Variants in ANKS1B observed in about 807,000 individuals in gnomAD.
ANKS1B encodes ankyrin repeat and sterile alpha motif domain-containing protein 1B.
Under a neutral mutation model 148.3 loss-of-function variants are expected in ANKS1B, and 36 were observed. That is an observed-to-expected ratio of 0.24 (90% CI 0.19 to 0.32). The LOEUF (loss-of-function observed/expected upper bound fraction) is 0.32. Ranked by LOEUF, ANKS1B falls within the 10% of genes least tolerant of loss-of-function variation. ANKS1B has a pLI of 1.00. For synonymous variants in ANKS1B, 542 were observed against 560.8 expected, an observed-to-expected ratio of 0.97 and a Z score of 0.47; for missense variants, 1,157 against 1,542.6, an observed-to-expected ratio of 0.75 and a Z score of 4.19.
chr12:99,620,535 C>A (rs1015809681), intron 9 of ANKS1B, among the ~76,000 whole-genome samples: 1 of 152,036 alleles, frequency 6.6e-6, no homozygotes, highest in Non-Finnish European at 1.5e-5. Context: ...TAAAAGAAAT[C>A]AATCAGAGCA....
chr12:99,004,634 G>A (rs987919410), intron 17 of ANKS1B, among the ~76,000 whole-genome samples: 1 of 151,966 alleles, frequency 6.6e-6, no homozygotes, highest in Non-Finnish European at 1.5e-5. Context: ...CGGGGAAGGA[G>A]GCAGGGCTAA....
At chr12:98,794,419 AAAAAG>A in intron 22 of ANKS1B, 16 of 237,128 alleles carry the variant, frequency 6.7e-5, no homozygotes, top group South Asian at 2.6e-4. Flanking sequence ...AAAAAAAAAA[AAAAAG>A]ACTTCCTCTC....
At chr12:99,585,641 T>C (rs1400786744) in intron 9 of ANKS1B, among the ~76,000 whole-genome samples, 2 of 152,332 alleles carry the variant, frequency 1.3e-5, no homozygotes, top group East Asian at 3.9e-4. Context: ...AGCAAACTTC[T>C]GCCTGGACAT....
chr12:99,039,791 T>C (rs897392954), intron 17 of ANKS1B, among the ~76,000 whole-genome samples: 8 of 152,262 alleles, frequency 5.3e-5, no homozygotes, highest in South Asian at 4.1e-4. Context: ...CTGCACCCAC[T>C]AACTCGTCCT....
At chr12:99,230,821 C>A (rs561687574) in intron 14 of ANKS1B, among the ~76,000 whole-genome samples, 1 of 151,946 alleles carries the variant, frequency 6.6e-6, no homozygotes, top group Non-Finnish European at 1.5e-5. Flanking sequence ...TTAAGTGATT[C>A]CTTAGATTTA....
chr12:99,456,660 A>G (rs928695325), intron 10 of ANKS1B, among the ~76,000 whole-genome samples: 2 of 152,200 alleles, frequency 1.3e-5, no homozygotes, highest in Non-Finnish European at 2.9e-5. Flanking sequence ...AAACAAGTAG[A>G]AGAAAAAAAC....
chr12:98,894,163 C>T (rs1208903232), intron 17 of ANKS1B, among the ~76,000 whole-genome samples: 1 of 152,196 alleles, frequency 6.6e-6, no homozygotes, highest in African/African-American at 2.4e-5. Context: ...ACACTCCACA[C>T]CAACCTTGCC....
chr12:99,001,797 A>G (rs998510030), intron 17 of ANKS1B, among the ~76,000 whole-genome samples: 8 of 152,218 alleles, frequency 5.3e-5, no homozygotes, highest in African/African-American at 1.9e-4. Context: ...TCCTTTGCTC[A>G]ACATCTATTT....
At chr12:99,285,031 C>A (rs1031407202) in intron 12 of ANKS1B, among the ~76,000 whole-genome samples, 44 of 152,234 alleles carry the variant, frequency 2.9e-4, no homozygotes, top group African/African-American at 1.0e-3. Flanking sequence ...TAGATATATG[C>A]ATGAAAATAT....
chr12:99,517,556 A>C, intron 9 of ANKS1B, among the ~76,000 whole-genome samples: 1 of 127,166 alleles, frequency 7.9e-6, no homozygotes, highest in South Asian at 2.3e-4. Context: ...TGTCTCTAGT[A>C]AAAATACAAA....
At chr12:99,425,173 C>A (rs188282885) in intron 11 of ANKS1B, among the ~76,000 whole-genome samples, 1 of 151,850 alleles carries the variant, frequency 6.6e-6, no homozygotes, top group South Asian at 2.1e-4. Flanking sequence ...TAAACACACA[C>A]CCACAGTTGT....
At chr12:98,756,160 C>A (rs1592792168) in intron 25 of ANKS1B, among the ~76,000 whole-genome samples, 1 of 152,278 alleles carries the variant, frequency 6.6e-6, no homozygotes, top group East Asian at 1.9e-4. Context: ...ATCTTGAATT[C>A]TAGCTCCCAT....
intron 17 of ANKS1B, among the ~76,000 whole-genome samples, chr12:99,035,971 C>T (rs1381299604): frequency 2.6e-5 from 4 of 152,178 alleles, no homozygotes. Flanking sequence ...ATGCAGACAG[C>T]CTGTTGGCTC....
chr12:98,949,326 C>T (rs2099850609), intron 17 of ANKS1B, among the ~76,000 whole-genome samples: 1 of 152,244 alleles, frequency 6.6e-6, no homozygotes, highest in Non-Finnish European at 1.5e-5. Context: ...CTCACAACTG[C>T]AGTTTTCTCA....
intron 12 of ANKS1B, among the ~76,000 whole-genome samples, chr12:99,347,794 T>A (rs917836499): frequency 7.2e-5 from 10 of 138,844 alleles, no homozygotes; most frequent in Non-Finnish European, 1.5e-4. Context: ...CAAAAAGATA[T>A]TAGACTTCCA....
At chr12:98,807,776 T>G in intron 20 of ANKS1B, 68 bp downstream of exon 20, 1 of 1,400,768 alleles carries the variant, frequency 7.1e-7, no homozygotes, top group Non-Finnish European at 9.9e-7. Flanking sequence ...CTATAGCTGT[T>G]GACAACACTG....
At chr12:99,627,852 C>G (rs1037881509) in intron 9 of ANKS1B, among the ~76,000 whole-genome samples, 1 of 152,128 alleles carries the variant, frequency 6.6e-6, no homozygotes, top group African/African-American at 2.4e-5. Flanking sequence ...TTAAATAAGA[C>G]TTTAGGAAGG....
At chr12:98,845,483 A>G (rs531127323) in intron 17 of ANKS1B, among the ~76,000 whole-genome samples, 12 of 152,316 alleles carry the variant, frequency 7.9e-5, no homozygotes, top group Non-Finnish European at 1.8e-4. Context: ...GGGTGCTTAT[A>G]TGAACAACCA....
intron 12 of ANKS1B, among the ~76,000 whole-genome samples, chr12:99,324,377 C>CA (rs1365777418): frequency 6.6e-6 from 1 of 152,110 alleles, no homozygotes; most frequent in Non-Finnish European, 1.5e-5. Context: ...AGTCAGGACT[C>CA]AAACTCAGGC....
Sources: allele counts gnomAD v4.1 joint callset (sites outside exome capture counted in the v4.1 genomes callset), GRCh38; gene constraint gnomAD v4.1.1; transcripts MANE v1.5; gene names NCBI Gene and HGNC (gene_info 2026-07-23, HGNC 2026-07-21).